IL2RA: variants seen among roughly 807,000 people sequenced by gnomAD.
IL2RA encodes interleukin 2 receptor subunit alpha.
IL2RA carries 24 observed loss-of-function variants against 37.8 expected under a neutral mutation model. That is an observed-to-expected ratio of 0.63 (90% CI 0.46 to 0.89). The LOEUF is 0.89. Ranked by LOEUF, IL2RA falls within the 40% of genes least tolerant of loss-of-function variation. The pLI is 0.00. For missense variants in IL2RA, 319 were observed against 348.6 expected (o/e 0.92, Z 0.68); for synonymous variants, 125 against 114.6 (o/e 1.09, Z -0.58).
intron 1 of IL2RA, among the ~76,000 whole-genome samples, chr10:6,045,214 G>A (rs889665841): frequency 2.6e-5 from 4 of 152,170 alleles, no homozygotes; most frequent in African/African-American, 9.7e-5. Flanking sequence ...GGTTGACTGG[G>A]TCAAATAGTC....
rs922502446 is a variant in IL2RA at position 6,011,116 on chromosome 10, C to G, written c.*1756G>C. 3 of 152,440 alleles carry G rather than the reference C, an allele frequency of 2.0e-5. No individual in the cohort carries two copies. The South Asian group carries it at 6.2e-4, about 32-fold the overall frequency. The allele number at this position is 152,440 out of a possible 1,614,324, so 9.4% of individuals were successfully genotyped here. On this transcript the variant is annotated 3_prime_UTR_variant, in exon 8 of 8. Transcript: ENST00000379959. The surrounding 1 kb of genome is among the most constrained non-coding windows in gnomAD (Gnocchi z 5.2). ...CTGCCGTGATTTCTCATAACACTCT[C>G]CTGCCCCTTCAGAAGTGAAAACTGG...
chr10:6,050,430 A>C (rs1839931702), intron 1 of IL2RA, among the ~76,000 whole-genome samples: 1 of 152,162 alleles, frequency 6.6e-6, no homozygotes, highest in Non-Finnish European at 1.5e-5. Flanking sequence ...TGAGGTCAGG[A>C]GTTTGAGACC....
chr10:6,030,990 C>T (rs1263867179), intron 1 of IL2RA, among the ~76,000 whole-genome samples: 1 of 151,478 alleles, frequency 6.6e-6, no homozygotes, highest in African/African-American at 2.4e-5. Context: ...AAGAGTGTAG[C>T]TAAAAAGAAT....
intron 1 of IL2RA, among the ~76,000 whole-genome samples, chr10:6,053,487 A>G (rs1839994882): frequency 1.3e-5 from 2 of 152,188 alleles, no homozygotes; most frequent in Non-Finnish European, 2.9e-5. Context: ...AAACATAACT[A>G]TCAGTATCGG....
chr10:6,051,028 G>T (rs1181356905), intron 1 of IL2RA, among the ~76,000 whole-genome samples: 1 of 152,020 alleles, frequency 6.6e-6, no homozygotes, highest in Admixed American at 6.6e-5. Context: ...TGGAGAGACG[G>T]CTCTTTTATT....
In IL2RA at chr10:6,018,268, C is replaced by T; in HGVS notation, c.728-149G>A. 3 of 692,704 alleles carry T rather than the reference C, an allele frequency of 4.3e-6. No homozygotes were observed. The highest frequency in any genetic ancestry group is 8.0e-6 in the Non-Finnish European group (3 of 376,176). 42.9% of individuals were successfully genotyped at this position (692,704 alleles called of 1,614,324 possible). On this transcript the variant is annotated intron_variant, in intron 6 of 7. Coordinates refer to ENST00000379959, the MANE Select transcript of IL2RA (RefSeq NM_000417.3). The surrounding 1 kb of genome is among the most constrained non-coding windows in gnomAD (Gnocchi z 5.1). ...TCCCTGTCTCAGGAAGTAGGTCCCT[C>T]CCCATGGGATTTCCTAGGAGTCTTG...
chr10:6,024,201 G>A (rs1839438353), intron 3 of IL2RA, 43 bp downstream of exon 3: 2 of 1,263,664 alleles, frequency 1.6e-6, no homozygotes, highest in Non-Finnish European at 2.3e-6. Flanking sequence ...CAGGAGAAGG[G>A]TGCGCTAGCA....
At chr10:6,026,731 T>C (rs1420569478) in intron 1 of IL2RA, among the ~76,000 whole-genome samples, 4 of 152,154 alleles carry the variant, frequency 2.6e-5, no homozygotes, top group Non-Finnish European at 5.9e-5. Flanking sequence ...TTCTCTGCTC[T>C]AAGAGATTAG....
intron 1 of IL2RA, among the ~76,000 whole-genome samples, chr10:6,026,423 A>G (rs760699661): frequency 6.6e-6 from 1 of 152,264 alleles, no homozygotes; most frequent in Non-Finnish European, 1.5e-5. Context: ...TTAAGGATAT[A>G]CGAGTTGTTA....
chr10:6,027,887 A>ACTGTT (rs1839510228), intron 1 of IL2RA, among the ~76,000 whole-genome samples: 1 of 152,216 alleles, frequency 6.6e-6, no homozygotes, highest in African/African-American at 2.4e-5. Context: ...ATCAGAAGAT[A>ACTGTT]AATCTGTTAC....
chr10:6,019,268 G>A (rs1270515806), intron 6 of IL2RA, among the ~76,000 whole-genome samples, 160 bp downstream of exon 6: 3 of 151,442 alleles, frequency 2.0e-5, no homozygotes, highest in Non-Finnish European at 2.9e-5. Context: ...CCCAACCTAC[G>A]AACCAACTTA....
intron 3 of IL2RA, among the ~76,000 whole-genome samples, chr10:6,023,855 A>T (rs1255243118): frequency 6.6e-6 from 1 of 152,240 alleles, no homozygotes; most frequent in Non-Finnish European, 1.5e-5. Flanking sequence ...TCTTGTGCTT[A>T]AGGGGAAGAC....
At position 6,061,671 on chromosome 10, in the gene IL2RA, C is replaced by T. The variant is rs12722618; in HGVS notation, c.64+417G>A. ...TTTGATATATGAGTACTCATGTCTC[C>T]AGCAAATTAACCTGAACTTAAAGAG... On this transcript the variant is annotated intron_variant, in intron 1 of 7. Coordinates refer to ENST00000379959, the MANE Select transcript of IL2RA (RefSeq NM_000417.3). Among the ~76,000 whole-genome samples, 854 of 152,256 alleles carry T rather than the reference C, an allele frequency of 5.6e-3. 6 individuals are homozygous for T. Among genetic ancestry groups the T allele is most frequent in the African/African-American group, 0.019 (788 of 41,532 alleles).
Position 6,036,464 on chromosome 10 carries a change from A to G in IL2RA, c.65-10439T>C, listed in dbSNP as rs913837464. 3.3e-5 allele frequency: 5 copies of G among 152,188 alleles called. No individual in the cohort carries two copies. Among genetic ancestry groups the G allele is most frequent in the Non-Finnish European group, 7.3e-5 (5 of 68,040 alleles). The allele number at this position is 152,188 out of a possible 1,614,324, so 9.4% of individuals were successfully genotyped here. A position where few individuals can be genotyped will look rare whatever the true frequency, so the allele number is the denominator to read the frequency against. On this transcript the variant is annotated intron_variant, in intron 1 of 7. Coordinates refer to ENST00000379959, the MANE Select transcript of IL2RA (RefSeq NM_000417.3). The surrounding 1 kb of genome is among the most constrained non-coding windows in gnomAD (Gnocchi z 6.1). ...CGCGTCACTCTCTGCTCCTCCTGGC[A>G]AGAGGCCCCATTTTTCTTGCCACTG...
At position 6,011,560 on chromosome 10, in the gene IL2RA, A is replaced by T. The variant is rs1299770374; in HGVS notation, c.*1312T>A. ...ATGCTCATCTTGTCTTTTTTTCCTT[A>T]AAGACAGGATCTTGCTCTGTTGCCC... On this transcript the variant is annotated 3_prime_UTR_variant, in exon 8 of 8. Coordinates refer to ENST00000379959, the MANE Select transcript of IL2RA (RefSeq NM_000417.3). The surrounding 1 kb of genome is among the most constrained non-coding windows in gnomAD (Gnocchi z 5.2). 1 of 152,114 alleles carries T rather than the reference A, an allele frequency of 6.6e-6. No individual in the cohort carries two copies. The highest frequency in any genetic ancestry group is 2.4e-5 in the African/African-American group (1 of 41,402). The allele number at this position is 152,114 out of a possible 1,614,324, so 9.4% of individuals were successfully genotyped here. A position where few individuals can be genotyped will look rare whatever the true frequency, so the allele number is the denominator to read the frequency against.
chr10:6,059,024 T>A (rs2132907349), intron 1 of IL2RA, among the ~76,000 whole-genome samples: 1 of 152,376 alleles, frequency 6.6e-6, no homozygotes, highest in South Asian at 2.1e-4. Context: ...ACTCTTACCC[T>A]GAGGAATAAA....
chr10:6,020,858 G>A lies in IL2RA; in HGVS notation c.583+620C>T, dbSNP rs990453291. ...TGCATGTAAGTCACTTTTGATTGTC[G>A]TGATACTAATAAGATTTCAGAAGGA... On this transcript the variant is annotated intron_variant, in intron 4 of 7. Coordinates refer to ENST00000379959, the MANE Select transcript of IL2RA (RefSeq NM_000417.3). The surrounding 1 kb of genome is among the most constrained non-coding windows in gnomAD (Gnocchi z 5.6). Among the ~76,000 whole-genome samples the A allele has an allele frequency of 1.3e-5, 2 of 152,086 alleles. No homozygotes were observed. Among genetic ancestry groups the A allele is most frequent in the Non-Finnish European group, 2.9e-5 (2 of 68,024 alleles).
At position 6,047,544 on chromosome 10, in the gene IL2RA, C is replaced by T. The variant is rs1839884704; in HGVS notation, c.64+14544G>A. On this transcript the variant is annotated intron_variant, in intron 1 of 7. Coordinates refer to ENST00000379959, the MANE Select transcript of IL2RA (RefSeq NM_000417.3). The surrounding 1 kb of genome is among the most constrained non-coding windows in gnomAD (Gnocchi z 5.0). ...GAACACACAGGAGAGCTCACACGCACAAATGTTCTCGGCTTCCCAGACACC... is the reference window on the plus strand; with the variant it reads ...GAACACACAGGAGAGCTCACACGCATAAATGTTCTCGGCTTCCCAGACACC... Among the ~76,000 whole-genome samples the T allele has an allele frequency of 6.6e-6, 1 of 152,080 alleles. No homozygotes were observed. The highest frequency in any genetic ancestry group is 1.5e-5 in the Non-Finnish European group (1 of 68,014).
In IL2RA at chr10:6,018,077, C is replaced by A; in HGVS notation, c.770G>T (p.Ser257Ile). The A allele has an allele frequency of 6.2e-7, 1 of 1,614,010 alleles. No homozygotes were observed. Among genetic ancestry groups the A allele is most frequent in the Non-Finnish European group, 8.5e-7 (1 of 1,179,944 alleles). ...VFLLISVLLL[S>I]GLTWQRRQRK... ...CTGTCTCCGCTGCCAGGTGAGCCCA[C>A]TCAGGAGGAGGACGCTGATCAGCAG... The change falls in exon 7 of 8, where the codon AGT (serine) becomes ATT (isoleucine). Residue 257 changes from serine to isoleucine, a missense_variant. Transcript: ENST00000379959. This position sits in a 1 kb window ranked among gnomAD's most constrained non-coding sequence, Gnocchi z 5.1.
Sources: allele counts gnomAD v4.1 joint callset (sites outside exome capture counted in the v4.1 genomes callset), GRCh38; gene constraint gnomAD v4.1.1; non-coding constraint Gnocchi (gnomAD v3.1); transcripts MANE v1.5; gene names NCBI Gene and HGNC (gene_info 2026-07-23, HGNC 2026-07-21).